Variants in AGMO observed in about 807,000 individuals in gnomAD.
AGMO encodes the protein alkylglycerol monooxygenase, also known as glyceryl-ether monooxygenase.
AGMO carries 75 observed loss-of-function variants against 60.2 expected under a neutral mutation model. That is an observed-to-expected ratio of 1.25 (90% confidence interval 1.03 to 1.51). The LOEUF (loss-of-function observed/expected upper bound fraction) is 1.51, where lower values mean the gene tolerates loss of function less well. Among genes scored for constraint, AGMO ranks in the 40% most tolerant of loss-of-function variants. AGMO has a pLI of 0.00. For synonymous variants in AGMO, 261 were observed against 177.1 expected (o/e 1.47, Z -3.76); for missense variants, 763 against 525.5 (o/e 1.45, Z -4.42).
At chr7:15,151,075 A>G in the AGMO span, among the ~76,000 whole-genome samples, 345 of 152,150 alleles carry the variant, frequency 2.3e-3, no homozygotes, top group Non-Finnish European at 4.0e-3. Context: ...GAATGTATTT[A>G]TTTCTTACAG....
chr7:15,161,489 T>A, the AGMO span, among the ~76,000 whole-genome samples: 1 of 151,126 alleles, frequency 6.6e-6, no homozygotes, highest in Non-Finnish European at 1.5e-5. Context: ...TATGCTTGTA[T>A]AAATACACAC....
At chr7:15,370,023 T>C (rs180900990) in intron 10 of AGMO, among the ~76,000 whole-genome samples, 1 of 152,250 alleles carries the variant, frequency 6.6e-6, no homozygotes, top group African/African-American at 2.4e-5. Context: ...GTAGTGAGCA[T>C]TGTACCCAAC....
At chr7:15,316,845 T>C (rs1316973846) in intron 12 of AGMO, among the ~76,000 whole-genome samples, 1 of 152,154 alleles carries the variant, frequency 6.6e-6, no homozygotes, top group African/African-American at 2.4e-5. Context: ...TACATTTAAA[T>C]TATTTGATTA....
chr7:15,301,449 A>G (rs1037369610), intron 12 of AGMO, among the ~76,000 whole-genome samples: 1 of 152,108 alleles, frequency 6.6e-6, no homozygotes, highest in African/African-American at 2.4e-5. Context: ...AGGAAAAAAA[A>G]AAGAAAGCAA....
chr7:15,331,051 A>G (rs1781485905), intron 12 of AGMO, among the ~76,000 whole-genome samples: 1 of 152,126 alleles, frequency 6.6e-6, no homozygotes, highest in South Asian at 2.1e-4. Context: ...GGAAGCTAGA[A>G]GCTATCCTTT....
chr7:15,142,825 A>G, the AGMO span, among the ~76,000 whole-genome samples: 1 of 152,138 alleles, frequency 6.6e-6, no homozygotes, highest in South Asian at 2.1e-4. Flanking sequence ...GCTAATATAT[A>G]CTTAATATTT....
chr7:15,316,265 C>T (rs1780921447), intron 12 of AGMO, among the ~76,000 whole-genome samples: 1 of 152,134 alleles, frequency 6.6e-6, no homozygotes, highest in South Asian at 2.1e-4. Context: ...CATCAGTCCC[C>T]CATAACCAGC....
intron 8 of AGMO, among the ~76,000 whole-genome samples, chr7:15,387,998 C>T (rs530619161): frequency 6.6e-6 from 1 of 150,548 alleles, no homozygotes; most frequent in Non-Finnish European, 1.5e-5. Context: ...ACCTCTGCCT[C>T]CTGGGTTCAA....
chr7:15,415,214 A>T (rs1245200353), intron 5 of AGMO, among the ~76,000 whole-genome samples: 1 of 151,906 alleles, frequency 6.6e-6, no homozygotes, highest in Admixed American at 6.6e-5. Flanking sequence ...CTCCTGCCTC[A>T]GCCTCACGAG....
At chr7:15,449,155 A>C (rs1171019008) in intron 3 of AGMO, among the ~76,000 whole-genome samples, 3 of 152,204 alleles carry the variant, frequency 2.0e-5, no homozygotes, top group African/African-American at 7.2e-5. Context: ...AACAATAAAA[A>C]ATAGTAAACC....
At chr7:15,203,674 T>G (rs942764406) in intron 12 of AGMO, among the ~76,000 whole-genome samples, 5 of 152,112 alleles carry the variant, frequency 3.3e-5, no homozygotes, top group African/African-American at 1.2e-4. Context: ...TTATGTCATC[T>G]AATTCTCATG....
the AGMO span, among the ~76,000 whole-genome samples, chr7:15,172,596 ACT>A: frequency 6.6e-6 from 1 of 152,104 alleles, no homozygotes; most frequent in African/African-American, 2.4e-5. Context: ...GGTTGAGTAC[ACT>A]TTTTTTTTAA....
At chr7:15,257,173 G>A (rs1313192827) in intron 12 of AGMO, among the ~76,000 whole-genome samples, 2 of 151,874 alleles carry the variant, frequency 1.3e-5, no homozygotes, top group African/African-American at 4.8e-5. Context: ...AACTCTAAAG[G>A]GGTGAAAAAT....
chr7:15,540,091 A>T (rs1784586346), intron 3 of AGMO, among the ~76,000 whole-genome samples: 1 of 152,186 alleles, frequency 6.6e-6, no homozygotes, highest in Non-Finnish European at 1.5e-5. Flanking sequence ...ATTCAATGTT[A>T]CAGAAGTAGC....
intron 3 of AGMO, among the ~76,000 whole-genome samples, chr7:15,537,064 G>T (rs1235145074): frequency 6.6e-6 from 1 of 151,930 alleles, no homozygotes; most frequent in Non-Finnish European, 1.5e-5. Context: ...ACTGCATATT[G>T]TTCCAAAACA....
chr7:15,230,380 C>G (rs868419432), intron 12 of AGMO, among the ~76,000 whole-genome samples: 1 of 152,066 alleles, frequency 6.6e-6, no homozygotes, highest in Admixed American at 6.6e-5. Flanking sequence ...AGGAGTTCAT[C>G]TCCTGGGAAA....
At chr7:15,524,666 C>T (rs1784078097) in intron 3 of AGMO, among the ~76,000 whole-genome samples, 1 of 151,760 alleles carries the variant, frequency 6.6e-6, no homozygotes, top group African/African-American at 2.4e-5. Context: ...AGTTTGAGAC[C>T]AGCCTGGCCA....
At chr7:15,545,737 G>A (rs1784762533) in intron 2 of AGMO, among the ~76,000 whole-genome samples, 1 of 151,884 alleles carries the variant, frequency 6.6e-6, no homozygotes, top group African/African-American at 2.4e-5. Context: ...CCTATAAAAT[G>A]TACTTCAATT....
intron 10 of AGMO, among the ~76,000 whole-genome samples, chr7:15,368,261 C>G (rs1003186653): frequency 1.4e-5 from 2 of 145,326 alleles, no homozygotes; most frequent in Non-Finnish European, 3.0e-5. Context: ...CGGCGATGTC[C>G]ACTTAGGAAG....
Sources: allele counts gnomAD v4.1 joint callset (sites outside exome capture counted in the v4.1 genomes callset), GRCh38; gene constraint gnomAD v4.1.1; transcripts MANE v1.5; gene names NCBI Gene and HGNC (gene_info 2026-07-23, HGNC 2026-07-21).